Variants in MDGA2 observed in about 807,000 individuals in gnomAD.
MDGA2 encodes the protein MAM domain-containing glycosylphosphatidylinositol anchor protein 2.
MDGA2 carries 40 observed loss-of-function variants against 117.8 expected under a neutral mutation model. The observed-to-expected ratio is 0.34, with a 90% CI of 0.26 to 0.44. MDGA2 has a LOEUF of 0.44. MDGA2 is among the 20% of genes least tolerant of loss of function. MDGA2 has a pLI of 1.00. For synonymous variants in MDGA2, 452 were observed against 439.0 expected, an observed-to-expected ratio of 1.03 and a Z score of -0.37; for missense variants, 1,123 against 1,250.6, an observed-to-expected ratio of 0.90 and a Z score of 1.54.
At chr14:47,597,012 C>T (rs1896555839) in intron 1 of MDGA2, among the ~76,000 whole-genome samples, 1 of 152,078 alleles carries the variant, frequency 6.6e-6, no homozygotes, top group Non-Finnish European at 1.5e-5. Context: ...AAGGTGTTAG[C>T]GACTCACTGT....
At chr14:46,938,559 A>AAAAAAAAAAAAAAAAAAAAAAAAAAAAG (rs1566535268) in intron 9 of MDGA2, among the ~76,000 whole-genome samples, 1 of 148,940 alleles carries the variant, frequency 6.7e-6, no homozygotes, top group African/African-American at 2.4e-5. Flanking sequence ...AAAAAAAAAA[A>AAAAAAAAAAAAAAAAAAAAAAAAAAAAG]AGAGACATCA....
In MDGA2 at chr14:47,035,189, A is replaced by G; in HGVS notation, c.1641T>C (p.Ser547=). 6.2e-7 allele frequency: 1 copy of G among 1,614,166 alleles called. No individual in the cohort carries two copies. Among genetic ancestry groups the G allele is most frequent in the Non-Finnish European group, 8.5e-7 (1 of 1,180,026 alleles). Residue 547 remains serine (S), a synonymous_variant, in exon 8 of 17, where the codon TCT becomes TCC. Transcript: ENST00000399232. ...GCATTGCAACTTCTTTATCCGCTCT[A>G]GACCAAAGGATGATTGGTTTAGGTT... ...TGKPKPIILW[S]RADKEVAMPD...
At chr14:46,971,979 A>C (rs1886284999) in intron 8 of MDGA2, among the ~76,000 whole-genome samples, 1 of 152,130 alleles carries the variant, frequency 6.6e-6, no homozygotes, top group African/African-American at 2.4e-5. Context: ...TGTATAATAA[A>C]CCTGTAAATG....
At chr14:47,643,382 A>G (rs905658355) in intron 1 of MDGA2, among the ~76,000 whole-genome samples, 1 of 152,024 alleles carries the variant, frequency 6.6e-6, no homozygotes, top group Non-Finnish European at 1.5e-5. Flanking sequence ...AACATTCACC[A>G]TTTTTGGACA....
chr14:47,295,980 A>G (rs79447366), intron 2 of MDGA2, among the ~76,000 whole-genome samples: 8,554 of 148,860 alleles, frequency 0.057, 326 homozygotes, highest in South Asian at 0.11. Flanking sequence ...ATAGATAGAT[A>G]TAGTAAAGCT....
intron 9 of MDGA2, among the ~76,000 whole-genome samples, chr14:46,927,319 A>G (rs550687531): frequency 6.6e-6 from 1 of 152,262 alleles, no homozygotes; most frequent in South Asian, 2.1e-4. Flanking sequence ...TAATACAGGA[A>G]TTATTACCAA....
chr14:47,153,478 T>C (rs1883240777), intron 3 of MDGA2, among the ~76,000 whole-genome samples: 1 of 151,776 alleles, frequency 6.6e-6, no homozygotes, highest in Non-Finnish European at 1.5e-5. Context: ...GGATGGGAGT[T>C]GTAAAAGGTA....
At chr14:47,419,357 T>C (rs1389257281) in intron 1 of MDGA2, among the ~76,000 whole-genome samples, 12 of 152,098 alleles carry the variant, frequency 7.9e-5, no homozygotes, top group Non-Finnish European at 4.4e-5. Context: ...AAATACCTAA[T>C]GATATTTATT....
chr14:46,993,238 T>C (rs1016768259), intron 8 of MDGA2, among the ~76,000 whole-genome samples: 8 of 152,150 alleles, frequency 5.3e-5, no homozygotes, highest in African/African-American at 1.7e-4. Context: ...TATTCATAAT[T>C]GAACAGAGAT....
At chr14:46,957,744 T>A in intron 8 of MDGA2, 101 bp from the exon 9 acceptor site, 1 of 1,296,872 alleles carries the variant, frequency 7.7e-7, no homozygotes, top group Non-Finnish European at 1.1e-6. Flanking sequence ...CATGCAGCAA[T>A]AGAGGAGGAG....
chr14:47,259,148 T>C (rs1229787783), intron 2 of MDGA2, among the ~76,000 whole-genome samples: 4 of 152,090 alleles, frequency 2.6e-5, no homozygotes, highest in Admixed American at 2.0e-4. Flanking sequence ...AGGAGTAATG[T>C]ACCAATAATA....
intron 6 of MDGA2, among the ~76,000 whole-genome samples, chr14:47,078,931 C>T (rs1288989893): frequency 6.6e-6 from 1 of 151,980 alleles, no homozygotes; most frequent in East Asian, 1.9e-4. Context: ...CTTTGACCAA[C>T]ATCTCCCCAG....
At chr14:47,371,013 C>A (rs560906859) in intron 1 of MDGA2, among the ~76,000 whole-genome samples, 74 of 151,804 alleles carry the variant, frequency 4.9e-4, no homozygotes, top group African/African-American at 1.7e-3. Context: ...TATCCTTTGA[C>A]TTGAAAAACT....
intron 1 of MDGA2, among the ~76,000 whole-genome samples, chr14:47,539,503 T>C (rs74045141): frequency 0.046 from 7,054 of 152,108 alleles, 560 homozygotes; most frequent in African/African-American, 0.16. Flanking sequence ...ACCCAGAACA[T>C]CACTCAACAA....
intron 1 of MDGA2, among the ~76,000 whole-genome samples, chr14:47,455,911 C>A (rs1039711039): frequency 3.3e-5 from 5 of 151,774 alleles, no homozygotes; most frequent in African/African-American, 4.8e-5. Flanking sequence ...ACAGGAGAAT[C>A]GCTTGAACCT....
At chr14:47,045,683 G>A (rs905184913) in intron 7 of MDGA2, among the ~76,000 whole-genome samples, 1 of 152,130 alleles carries the variant, frequency 6.6e-6, no homozygotes, top group East Asian at 1.9e-4. Context: ...AAGAAAGGGG[G>A]GGCAGGCGCA....
At chr14:46,907,363 AAC>A (rs1883538841) in intron 10 of MDGA2, among the ~76,000 whole-genome samples, 2 of 152,092 alleles carry the variant, frequency 1.3e-5, no homozygotes, top group African/African-American at 4.8e-5. Flanking sequence ...CTCTCATTCT[AAC>A]AATTTGAGAA....
chr14:46,985,399 C>A (rs751176021), intron 8 of MDGA2, among the ~76,000 whole-genome samples: 1 of 151,838 alleles, frequency 6.6e-6, no homozygotes, highest in Admixed American at 6.6e-5. Flanking sequence ...AGAACTGAAC[C>A]GAACCTAGTG....
chr14:47,530,195 G>GC (rs1566500561), intron 1 of MDGA2, among the ~76,000 whole-genome samples: 1 of 152,122 alleles, frequency 6.6e-6, no homozygotes, highest in Non-Finnish European at 1.5e-5. Flanking sequence ...CATGAGGGGC[G>GC]CCTGTTCATA....
Sources: gnomAD v4.1 joint callset for allele counts (sites outside exome capture counted in the v4.1 genomes callset) on GRCh38, gnomAD v4.1.1 for gene constraint, MANE v1.5 for transcripts, NCBI Gene and HGNC (gene_info 2026-07-23, HGNC 2026-07-21) for gene names.